SLC23A2: variants seen among roughly 807,000 people sequenced by gnomAD.
SLC23A2 encodes solute carrier family 23 member 2.
In SLC23A2, 36 loss-of-function variants were observed where a neutral mutation model predicts 73.3. That is an observed-to-expected ratio of 0.49 (90% CI 0.38 to 0.65). The LOEUF (loss-of-function observed/expected upper bound fraction) is 0.65. Among genes scored for constraint, SLC23A2 ranks in the 30% least tolerant of loss-of-function variants. The pLI is 0.00. For synonymous variants in SLC23A2, 343 were observed against 327.3 expected (o/e 1.05, Z -0.52); for missense variants, 507 against 841.6 (o/e 0.60, Z 4.92).
intron 2 of SLC23A2, among the ~76,000 whole-genome samples, chr20:4,939,489 A>C (rs1328380018): frequency 6.6e-6 from 1 of 152,262 alleles, no homozygotes; most frequent in East Asian, 1.9e-4. Flanking sequence ...CTACAATTAC[A>C]TAGCGAGTTA....
upstream of SLC23A2, among the ~76,000 whole-genome samples, chr20:5,003,514 C>T (rs1329108892): frequency 6.6e-6 from 1 of 151,708 alleles, no homozygotes; most frequent in Non-Finnish European, 1.5e-5. Flanking sequence ...TTCCAGCCAA[C>T]CTTTTTTTTT....
At chr20:4,912,312 T>C (rs560077283) in intron 4 of SLC23A2, among the ~76,000 whole-genome samples, 2 of 152,116 alleles carry the variant, frequency 1.3e-5, no homozygotes, top group Non-Finnish European at 2.9e-5. Flanking sequence ...GTGCCAAAGG[T>C]GCTACGGTCA....
At chr20:4,897,036 G>A (rs981925635) in intron 6 of SLC23A2, among the ~76,000 whole-genome samples, 3 of 152,180 alleles carry the variant, frequency 2.0e-5, no homozygotes, top group Non-Finnish European at 2.9e-5. Flanking sequence ...CCTGGAGGAT[G>A]CACTGTGTCT....
chr20:4,980,668 T>C (rs2087712507), intron 1 of SLC23A2, among the ~76,000 whole-genome samples: 1 of 151,826 alleles, frequency 6.6e-6, no homozygotes, highest in Non-Finnish European at 1.5e-5. Flanking sequence ...ATAGCTGGGA[T>C]TACAGGTGGC....
chr20:4,977,175 A>G (rs1176524766), intron 1 of SLC23A2, among the ~76,000 whole-genome samples: 2 of 152,140 alleles, frequency 1.3e-5, no homozygotes, highest in African/African-American at 4.8e-5. Context: ...TGACACAGGG[A>G]AATAGTTATG....
At chr20:4,968,031 T>C (rs2122212074) in intron 2 of SLC23A2, among the ~76,000 whole-genome samples, 1 of 152,298 alleles carries the variant, frequency 6.6e-6, no homozygotes, top group East Asian at 1.9e-4. Context: ...ACCATCCAAC[T>C]AGATCCCTGA....
At position 5,001,387 on chromosome 20, in the gene SLC23A2, G is replaced by A. The variant is rs1429905520; in HGVS notation, c.-282+19C>T. 1.4e-5 allele frequency: 2 copies of A among 147,010 alleles called. No individual in the cohort carries two copies. The highest frequency in any genetic ancestry group is 3.0e-5 in the Non-Finnish European group (2 of 66,064). 9.1% of individuals were successfully genotyped at this position (147,010 alleles called of 1,614,324 possible). A position where few individuals can be genotyped will look rare whatever the true frequency, so the allele number is the denominator to read the frequency against. On this transcript the variant is annotated intron_variant, in intron 1 of 16. Transcript: ENST00000338244. ...GCGGCCCGCAGGCCGGGCAGGGGGC[G>A]CGGCGGCCGGGCTCTCACCTGGCTG...
At chr20:4,953,489 T>C (rs2087234910) in intron 2 of SLC23A2, among the ~76,000 whole-genome samples, 2 of 152,030 alleles carry the variant, frequency 1.3e-5, no homozygotes, top group Admixed American at 1.3e-4. Context: ...TTTTTTTATG[T>C]TTTTCACTTA....
chr20:4,902,612 A>G lies in SLC23A2; in HGVS notation c.208-54T>C. On this transcript the variant is annotated intron_variant, in intron 4 of 16. Coordinates refer to ENST00000338244, the MANE Select transcript of SLC23A2 (RefSeq NM_005116.6). The surrounding 1 kb of genome is among the most constrained non-coding windows in gnomAD (Gnocchi z 4.0). ...CTCATTAAACGTGAAGACCAGTGTTAGCTCGGCCATGTACAGGCCACTATT... is the reference window on the plus strand; with the variant it reads ...CTCATTAAACGTGAAGACCAGTGTTGGCTCGGCCATGTACAGGCCACTATT... 1 of 1,029,404 alleles carries G rather than the reference A, an allele frequency of 9.7e-7. No individual in the cohort carries two copies. The highest frequency in any genetic ancestry group is 1.5e-6 in the Non-Finnish European group (1 of 670,306). 63.8% of individuals were successfully genotyped at this position (1,029,404 alleles called of 1,614,324 possible).
chr20:4,892,166 C>T (rs1191860095), intron 6 of SLC23A2, among the ~76,000 whole-genome samples: 4 of 152,168 alleles, frequency 2.6e-5, no homozygotes, highest in Non-Finnish European at 4.4e-5. Context: ...CCTCTGCATC[C>T]AAGGACTCAG....
chr20:4,939,868 G>A (rs2087014152), intron 2 of SLC23A2, among the ~76,000 whole-genome samples: 1 of 152,056 alleles, frequency 6.6e-6, no homozygotes, highest in Non-Finnish European at 1.5e-5. Flanking sequence ...GACATAAAAA[G>A]GATTTGAAAA....
At chr20:4,861,642 G>A (rs781507315) in intron 15 of SLC23A2, among the ~76,000 whole-genome samples, 1 of 152,122 alleles carries the variant, frequency 6.6e-6, no homozygotes, top group Non-Finnish European at 1.5e-5. Context: ...TTATCTTAAT[G>A]GAGCATTAGT....
chr20:4,886,732 T>C (rs1454444291), intron 6 of SLC23A2, among the ~76,000 whole-genome samples: 1 of 152,208 alleles, frequency 6.6e-6, no homozygotes, highest in Non-Finnish European at 1.5e-5. Context: ...GCATGAGAAC[T>C]TAATCACTAT....
chr20:4,963,840 T>A (rs1243349713), intron 2 of SLC23A2, among the ~76,000 whole-genome samples: 6 of 152,064 alleles, frequency 3.9e-5, no homozygotes, highest in African/African-American at 1.4e-4. Context: ...ATAGTGAGAC[T>A]CTGTCTCAAA....
rs1312986692 is a variant in SLC23A2, at chr20:4,901,463, G to A, written c.324+979C>T. ...CAAAGCATATTCAGTCCAGGAGTGTGCATTTAAGAAAAGACCCTCCCCACG... is the reference window on the plus strand; with the variant it reads ...CAAAGCATATTCAGTCCAGGAGTGTACATTTAAGAAAAGACCCTCCCCACG... On this transcript the variant is annotated intron_variant, in intron 5 of 16. Transcript: ENST00000338244. 2.0e-5 allele frequency among the ~76,000 whole-genome samples: 3 copies of A among 152,164 alleles called. No homozygotes were observed. In the East Asian group the frequency reaches 5.8e-4, roughly 29 times the overall value.
At chr20:4,975,751 T>C (rs2087635040) in intron 1 of SLC23A2, among the ~76,000 whole-genome samples, 1 of 151,924 alleles carries the variant, frequency 6.6e-6, no homozygotes, top group African/African-American at 2.4e-5. Context: ...CTTGATTTCT[T>C]TGATCCATGT....
At chr20:4,981,116 CAAA>C (rs1308463495) in intron 1 of SLC23A2, among the ~76,000 whole-genome samples, 2 of 152,158 alleles carry the variant, frequency 1.3e-5, no homozygotes, top group Admixed American at 1.3e-4. Context: ...AAGGCAGACA[CAAA>C]AATTTCTGAG....
chr20:4,885,134 C>T (rs147987064), intron 7 of SLC23A2, among the ~76,000 whole-genome samples: 8 of 152,254 alleles, frequency 5.3e-5, no homozygotes, highest in East Asian at 3.9e-4. Flanking sequence ...TTGAAATGCC[C>T]GACAGCAAGG....
intron 2 of SLC23A2, among the ~76,000 whole-genome samples, chr20:4,962,929 C>A (rs72552215): frequency 6.6e-6 from 1 of 152,006 alleles, no homozygotes; most frequent in Non-Finnish European, 1.5e-5. Flanking sequence ...ACCAGGGAGG[C>A]GGAGGTTGCA....
Sources: gnomAD v4.1 joint callset for allele counts (sites outside exome capture counted in the v4.1 genomes callset) on GRCh38, gnomAD v4.1.1 for gene constraint, Gnocchi (gnomAD v3.1) non-coding constraint, MANE v1.5 for transcripts, NCBI Gene and HGNC (gene_info 2026-07-23, HGNC 2026-07-21) for gene names.